Variants in SYT2 observed in about 807,000 individuals in gnomAD.
The protein encoded by SYT2 is synaptotagmin 2.
Under a neutral mutation model 39.9 loss-of-function variants are expected in SYT2, and 15 were observed. The observed-to-expected ratio is 0.38, with a 90% CI of 0.25 to 0.58. SYT2 has a LOEUF of 0.58. Among genes scored for constraint, SYT2 ranks in the 20% least tolerant of loss-of-function variants. The pLI, the probability that SYT2 is intolerant of heterozygous loss-of-function variation, is 0.70. For synonymous variants in SYT2, 181 were observed against 204.5 expected, an observed-to-expected ratio of 0.89 and a Z score of 0.98; for missense variants, 389 against 530.3, an observed-to-expected ratio of 0.73 and a Z score of 2.62.
At chr1:202,609,502 A>G (rs555923887) in intron 1 of SYT2, among the ~76,000 whole-genome samples, 285 of 152,334 alleles carry the variant, frequency 1.9e-3, no homozygotes, top group African/African-American at 6.7e-3. Context: ...GTACAGTCCC[A>G]CCAACAGTGT....
rs774405744 is a variant in SYT2 at position 202,628,841 on chromosome 1, C to A, written c.-17-23052G>T. Among the ~76,000 whole-genome samples, 1 of 152,232 alleles carries A rather than the reference C, an allele frequency of 6.6e-6. No individual in the cohort carries two copies. The highest frequency in any genetic ancestry group is 2.4e-5 in the African/African-American group (1 of 41,450). On this transcript the variant is annotated intron_variant, in intron 1 of 8. Coordinates refer to ENST00000367268, the MANE Select transcript of SYT2 (RefSeq NM_177402.5). This position sits in a 1 kb window ranked among gnomAD's most constrained non-coding sequence, Gnocchi z 4.2. ...TGCTGCCAAGTGGGGTGAATGAGCA[C>A]CTGGGCTCTGGGCAGACTGACCTGG... is the stretch of plus-strand genomic sequence containing the variant.
rs75595765 is a variant in SYT2 at position 202,623,193 on chromosome 1, G to A, written c.-17-17404C>T. ...CAGCCAGGATCACAACTTGAAACAG[G>A]ACAGAGAAGCCCGCCATCCCCATGG... On this transcript the variant is annotated intron_variant, in intron 1 of 8. Transcript: ENST00000367268. This position sits in a 1 kb window ranked among gnomAD's most constrained non-coding sequence, Gnocchi z 4.2. 3.4e-3 allele frequency among the ~76,000 whole-genome samples: 518 copies of A among 152,248 alleles called. 11 individuals carry two copies. In the East Asian group the frequency reaches 0.063, roughly 19 times the overall value.
chr1:202,683,662 G>T (rs1653583051), intron 1 of SYT2, among the ~76,000 whole-genome samples: 1 of 150,990 alleles, frequency 6.6e-6, no homozygotes, highest in African/African-American at 2.4e-5. Flanking sequence ...GACTGCTTAA[G>T]CTGAAGGAGG....
intron 1 of SYT2, among the ~76,000 whole-genome samples, chr1:202,706,966 G>T (rs2102181324): frequency 6.6e-6 from 1 of 152,298 alleles, no homozygotes; most frequent in South Asian, 2.1e-4. Flanking sequence ...CCTGTTACAT[G>T]CTCTCGAAGC....
In SYT2 at chr1:202,638,678, G is replaced by C. The variant is rs143457882; in HGVS notation, c.-17-32889C>G. Among the ~76,000 whole-genome samples, 39 of 151,498 alleles carry C rather than the reference G, an allele frequency of 2.6e-4. No homozygotes were observed. The East Asian group carries it at 2.7e-3, about 11-fold the overall frequency. The stretch of plus-strand genomic sequence containing the variant: ...TGCGGAAAATCCAAAGGCTCCTTCA[G>C]AAGTCAAGTGCTCACACCCGAGGCC... On this transcript the variant is annotated intron_variant, in intron 1 of 8. Transcript: ENST00000367268.
intron 1 of SYT2, among the ~76,000 whole-genome samples, chr1:202,679,473 G>A (rs751814856): frequency 2.6e-5 from 4 of 152,128 alleles, no homozygotes; most frequent in Admixed American, 1.3e-4. Context: ...TGTCTGGTTC[G>A]GAGGCTTAGA....
intron 1 of SYT2, among the ~76,000 whole-genome samples, chr1:202,689,116 G>A (rs11583104): frequency 0.26 from 39,293 of 152,024 alleles, 6,170 homozygotes; most frequent in South Asian, 0.41. Flanking sequence ...GGAAGGGATC[G>A]CTCTCCTCCC....
chr1:202,644,043 G>T (rs1188277996), intron 1 of SYT2, among the ~76,000 whole-genome samples: 1 of 152,200 alleles, frequency 6.6e-6, no homozygotes, highest in Non-Finnish European at 1.5e-5. Flanking sequence ...GGAGGGAGAA[G>T]AGAGATGGAA....
chr1:202,643,841 G>A (rs1001560153), intron 1 of SYT2, among the ~76,000 whole-genome samples: 1 of 152,074 alleles, frequency 6.6e-6, no homozygotes, highest in Admixed American at 6.5e-5. Flanking sequence ...AGGAGTCCCC[G>A]CCAGCTCCGT....
In SYT2 at chr1:202,599,765, C is replaced by T. The variant is rs141972286; in HGVS notation, c.920-414G>A. ...GGCCAAAGAACGGAAATGACCTGCC[C>T]GAGGTCACACAGCGGGTCAGTGACA... is the stretch of plus-strand genomic sequence containing the variant. On this transcript the variant is annotated intron_variant, in intron 7 of 8. Transcript: ENST00000367268. This position sits in a 1 kb window ranked among gnomAD's most constrained non-coding sequence, Gnocchi z 4.4. 1.3e-5 allele frequency among the ~76,000 whole-genome samples: 2 copies of T among 152,276 alleles called. No individual in the cohort carries two copies. The highest frequency in any genetic ancestry group is 2.4e-5 in the African/African-American group (1 of 41,558).
chr1:202,646,138 T>C (rs1692077116), intron 1 of SYT2, among the ~76,000 whole-genome samples: 1 of 152,122 alleles, frequency 6.6e-6, no homozygotes, highest in African/African-American at 2.4e-5. Context: ...AGGTGCTCCT[T>C]AGGTCCTGAC....
chr1:202,629,281 T>C (rs1223854444), intron 1 of SYT2, among the ~76,000 whole-genome samples: 2 of 152,220 alleles, frequency 1.3e-5, no homozygotes, highest in Non-Finnish European at 2.9e-5. Flanking sequence ...TCTTGAGCCA[T>C]TGCACTATCC....
At chr1:202,634,963 G>A (rs1004502812) in intron 1 of SYT2, among the ~76,000 whole-genome samples, 1 of 152,214 alleles carries the variant, frequency 6.6e-6, no homozygotes, top group Non-Finnish European at 1.5e-5. Flanking sequence ...ATCGTGGTAT[G>A]GTTGTGCAGT....
intron 1 of SYT2, among the ~76,000 whole-genome samples, chr1:202,620,254 G>C (rs1691167912): frequency 6.6e-6 from 1 of 152,222 alleles, no homozygotes; most frequent in Non-Finnish European, 1.5e-5. Flanking sequence ...TCAGGCCTCT[G>C]CAAGTGGCCC....
chr1:202,655,058 T>C (rs1425568253), intron 1 of SYT2, among the ~76,000 whole-genome samples: 1 of 152,096 alleles, frequency 6.6e-6, no homozygotes, highest in African/African-American at 2.4e-5. Flanking sequence ...TATAATTTCC[T>C]AGAGTCAGAC....
At chr1:202,645,016 G>C (rs527775769) in intron 1 of SYT2, among the ~76,000 whole-genome samples, 1 of 152,182 alleles carries the variant, frequency 6.6e-6, no homozygotes, top group Non-Finnish European at 1.5e-5. Flanking sequence ...CTCCTCCTGT[G>C]GGGGAGTGTG....
chr1:202,683,834 T>C (rs186926875), intron 1 of SYT2, among the ~76,000 whole-genome samples: 1 of 151,880 alleles, frequency 6.6e-6, no homozygotes, highest in South Asian at 2.1e-4. Context: ...TTGGGGGAAA[T>C]TGAGGCATTT....
At chr1:202,651,363 G>T in intron 1 of SYT2, among the ~76,000 whole-genome samples, 1 of 152,072 alleles carries the variant, frequency 6.6e-6, no homozygotes, top group Admixed American at 6.6e-5. Context: ...CACAGGGGTG[G>T]GTGGGAGTGG....
At chr1:202,701,278 G>A (rs1654114792) in intron 1 of SYT2, among the ~76,000 whole-genome samples, 1 of 152,166 alleles carries the variant, frequency 6.6e-6, no homozygotes, top group Admixed American at 6.5e-5. Context: ...TGAATAACTG[G>A]AGTTTGTTGG....
Sources: gnomAD v4.1 joint callset for allele counts (sites outside exome capture counted in the v4.1 genomes callset) on GRCh38, gnomAD v4.1.1 for gene constraint, Gnocchi (gnomAD v3.1) non-coding constraint, MANE v1.5 for transcripts, NCBI Gene and HGNC (gene_info 2026-07-23, HGNC 2026-07-21) for gene names.